MGAT4C: variants seen among roughly 807,000 people sequenced by gnomAD.
The protein encoded by MGAT4C is alpha-1,3-mannosyl-glycoprotein 4-beta-N-acetylglucosaminyltransferase C.
MGAT4C carries 19 observed loss-of-function variants against 40.1 expected under a neutral mutation model. That is an observed-to-expected ratio of 0.47 (90% CI 0.33 to 0.70). The LOEUF is 0.70. MGAT4C is among the 30% of genes least tolerant of loss of function. The pLI is 0.02. For missense variants in MGAT4C, 491 were observed against 563.2 expected (o/e 0.87, Z 1.30); for synonymous variants, 181 against 187.1 (o/e 0.97, Z 0.27).
chr12:86,485,097 A>G (rs1439815232), intron 2 of MGAT4C, among the ~76,000 whole-genome samples: 1 of 152,168 alleles, frequency 6.6e-6, no homozygotes, highest in Non-Finnish European at 1.5e-5. Context: ...CTCAGAAACA[A>G]AGCTTACAGA....
intron 1 of MGAT4C, among the ~76,000 whole-genome samples, chr12:86,109,923 C>T (rs1876924741): frequency 1.3e-5 from 2 of 151,322 alleles, no homozygotes; most frequent in Admixed American, 1.3e-4. Flanking sequence ...CTAAATGAGC[C>T]TAGGATGAAA....
intron 1 of MGAT4C, among the ~76,000 whole-genome samples, chr12:86,114,816 T>C (rs1398177739): frequency 6.6e-6 from 1 of 151,998 alleles, no homozygotes; most frequent in African/African-American, 2.4e-5. Flanking sequence ...TTCCTTTTTT[T>C]TATTATGGTT....
intron 1 of MGAT4C, among the ~76,000 whole-genome samples, chr12:86,126,307 GATA>G (rs1880261745): frequency 6.6e-6 from 1 of 151,838 alleles, no homozygotes; most frequent in African/African-American, 2.4e-5. Flanking sequence ...GAGCACAGCA[GATA>G]ATATTAAAAA....
chr12:86,061,869 C>T (rs1177054166), intron 1 of MGAT4C, among the ~76,000 whole-genome samples: 1 of 152,140 alleles, frequency 6.6e-6, no homozygotes, highest in Non-Finnish European at 1.5e-5. Flanking sequence ...AGGCAGCAGC[C>T]TCAGTCAGGG....
chr12:86,172,674 T>C (rs1408927050), intron 1 of MGAT4C, among the ~76,000 whole-genome samples: 1 of 152,130 alleles, frequency 6.6e-6, no homozygotes, highest in Non-Finnish European at 1.5e-5. Context: ...GTACATCCTA[T>C]AAGTTTGCTA....
chr12:86,636,762 T>C lies in MGAT4C; in HGVS notation c.-229+90447A>G, dbSNP rs139149163. Among the ~76,000 whole-genome samples, 528 of 152,142 alleles carry C rather than the reference T, an allele frequency of 3.5e-3. 3 individuals carry two copies. The highest frequency in any genetic ancestry group is 0.012 in the African/African-American group (509 of 41,558). On this transcript the variant is annotated intron_variant, in intron 2 of 7. Coordinates refer to the MGAT4C transcript ENST00000548651. ...ACTGAATTGCTAATTTGTGACTTTA[T>C]TGTCAATCTTGTGTAAATTTGGCAG...
intron 1 of MGAT4C, among the ~76,000 whole-genome samples, chr12:86,155,617 G>T (rs1387595688): frequency 6.6e-6 from 1 of 152,144 alleles, no homozygotes; most frequent in African/African-American, 2.4e-5. Context: ...AGCAGGTGGA[G>T]TGCATTTGTG....
chr12:86,628,756 C>T (rs1324187782), intron 2 of MGAT4C, among the ~76,000 whole-genome samples: 4 of 152,002 alleles, frequency 2.6e-5, no homozygotes, highest in Non-Finnish European at 5.9e-5. Flanking sequence ...GCACTAAACA[C>T]GGAAAGGAAA....
chr12:86,179,381 G>C (rs1887864155), intron 1 of MGAT4C, among the ~76,000 whole-genome samples: 1 of 152,186 alleles, frequency 6.6e-6, no homozygotes, highest in South Asian at 2.1e-4. Flanking sequence ...GTTGGTACCA[G>C]TAGTGGGATG....
chr12:86,208,268 C>T (rs1245583882), intron 1 of MGAT4C, among the ~76,000 whole-genome samples: 1 of 152,200 alleles, frequency 6.6e-6, no homozygotes, highest in Non-Finnish European at 1.5e-5. Flanking sequence ...GAGTTCAAGA[C>T]CAGCCTGGGC....
chr12:86,620,542 A>C (rs1421642844), intron 2 of MGAT4C, among the ~76,000 whole-genome samples: 3 of 152,204 alleles, frequency 2.0e-5, no homozygotes, highest in Non-Finnish European at 4.4e-5. Context: ...AAAATGGAAT[A>C]GGAGACATTG....
chr12:86,327,540 A>T (rs1352211867), intron 4 of MGAT4C, among the ~76,000 whole-genome samples: 1 of 152,138 alleles, frequency 6.6e-6, no homozygotes, highest in Non-Finnish European at 1.5e-5. Flanking sequence ...AACCAAGAAC[A>T]TCACATCTAC....
chr12:86,416,139 A>C (rs141150125), intron 3 of MGAT4C, among the ~76,000 whole-genome samples: 5 of 152,200 alleles, frequency 3.3e-5, no homozygotes, highest in African/African-American at 1.2e-4. Context: ...CAAAAGAAGA[A>C]ATATTAGTTA....
chr12:86,013,955 T>C (rs1888795188), intron 2 of MGAT4C, among the ~76,000 whole-genome samples: 1 of 152,198 alleles, frequency 6.6e-6, no homozygotes, highest in South Asian at 2.1e-4. Flanking sequence ...AGTCTCAGTT[T>C]TTGAATAATG....
At chr12:86,139,024 C>G (rs1211646417) in intron 1 of MGAT4C, among the ~76,000 whole-genome samples, 1 of 152,132 alleles carries the variant, frequency 6.6e-6, no homozygotes, top group Non-Finnish European at 1.5e-5. Context: ...CCAACATCAT[C>G]TTCCTGGGTC....
intron 1 of MGAT4C, among the ~76,000 whole-genome samples, chr12:86,218,107 C>T (rs1490415805): frequency 6.6e-6 from 1 of 151,290 alleles, no homozygotes; most frequent in East Asian, 1.9e-4. Flanking sequence ...GTTTTCTTTA[C>T]CTTTTAGGTC....
intron 2 of MGAT4C, among the ~76,000 whole-genome samples, chr12:86,608,677 G>A (rs1328701564): frequency 1.3e-5 from 2 of 151,510 alleles, no homozygotes; most frequent in African/African-American, 4.9e-5. Context: ...TTCATAAAAT[G>A]TACTGCAATA....
At chr12:86,511,129 A>C (rs552583648) in intron 2 of MGAT4C, among the ~76,000 whole-genome samples, 1 of 152,130 alleles carries the variant, frequency 6.6e-6, no homozygotes, top group East Asian at 1.9e-4. Context: ...AACAGAAATT[A>C]TAACAAACTA....
chr12:86,200,046 T>A lies in MGAT4C; in HGVS notation c.-57+56193A>T, dbSNP rs533468266. On this transcript the variant is annotated intron_variant, in intron 1 of 4. Coordinates refer to ENST00000611864, the MANE Select transcript of MGAT4C (RefSeq NM_001351288.2). ...GTCAAGCTCTTCTCTACTCAAGCCC[T>A]CTATATTTATATTTCTATTCCCATA... 2.6e-5 allele frequency among the ~76,000 whole-genome samples: 4 copies of A among 151,744 alleles called. No individual in the cohort carries two copies. The East Asian group carries it at 5.8e-4, about 22-fold the overall frequency.
Sources: allele counts gnomAD v4.1 joint callset (sites outside exome capture counted in the v4.1 genomes callset), GRCh38; gene constraint gnomAD v4.1.1; transcripts MANE v1.5; gene names NCBI Gene and HGNC (gene_info 2026-07-23, HGNC 2026-07-21).